Variants in BMS1 observed in about 807,000 individuals in gnomAD.
The protein encoded by BMS1 is BMS1 ribosome biogenesis factor, also known as ribosome biogenesis protein BMS1 homolog.
BMS1 carries 53 observed loss-of-function variants against 138.7 expected under a neutral mutation model. The observed-to-expected ratio is 0.38, with a 90% confidence interval of 0.31 to 0.48. The LOEUF (loss-of-function observed/expected upper bound fraction) is 0.48. BMS1 is among the 20% of genes least tolerant of loss of function. The probability of loss-of-function intolerance (pLI) is 0.97; values close to 1 mark genes in which losing one functional copy is unlikely to be tolerated. For missense variants in BMS1, 1,360 were observed against 1,565.5 expected, an observed-to-expected ratio of 0.87 and a Z score of 2.22; for synonymous variants, 504 against 539.9, an observed-to-expected ratio of 0.93 and a Z score of 0.92.
Position 42,823,251 on chromosome 10 carries a change from A to C in BMS1, c.3266A>C (p.Lys1089Thr). ...EGAFRASFED[K>T]LLMSDIVFMR... Reference sequence around the variant, plus strand: ...GCTTTCAGGGCCAGCTTTGAGGATAAGCTGCTGATGAGCGGTGAGTGTCTT... The same window carrying C: ...GCTTTCAGGGCCAGCTTTGAGGATACGCTGCTGATGAGCGGTGAGTGTCTT... Residue 1089 changes from lysine to threonine, a missense_variant, in exon 20 of 23, where the codon AAG (lysine) becomes ACG (threonine). Physicochemically the swap from Lys to Thr is moderately conservative, Grantham distance 78. Around this residue, in one of 3 missense-constraint regions of BMS1, gnomAD observed 425 missense variants for 568.3 expected, o/e 0.75. Transcript: ENST00000374518. The C allele has an allele frequency of 6.3e-7, 1 of 1,587,336 alleles. No individual in the cohort carries two copies. Among genetic ancestry groups the C allele is most frequent in the South Asian group, 1.2e-5 (1 of 85,762 alleles).
rs537838291 is a variant in BMS1 at position 42,831,003 on chromosome 10, G to A, written c.3756G>A (p.Lys1252=). The part of the protein sequence containing the change: ...KEEEEKLKRQ[K]DLRKKLFRIQ... ...AGGAGGAGAAGCTGAAGCGGCAGAA[G>A]GACCTCAGGAAGAAGCTCTTCAGAA... Residue 1252 remains lysine (K), a synonymous_variant, in exon 23 of 23, where the codon AAG becomes AAA. Coordinates refer to ENST00000374518, the MANE Select transcript of BMS1 (RefSeq NM_014753.4). 12 of 1,602,414 alleles carry A rather than the reference G, an allele frequency of 7.5e-6. No individual in the cohort carries two copies. The South Asian group carries it at 1.3e-4, about 18-fold the overall frequency.
chr10:42,804,256 A>G (rs973254380), intron 13 of BMS1, among the ~76,000 whole-genome samples: 2 of 152,196 alleles, frequency 1.3e-5, no homozygotes, highest in Non-Finnish European at 2.9e-5. Flanking sequence ...GTAGTTCAGA[A>G]TGGACTAAAT....
At chr10:42,783,925 C>A (rs1282176249) in intron 1 of BMS1, among the ~76,000 whole-genome samples, 1 of 152,088 alleles carries the variant, frequency 6.6e-6, no homozygotes, top group African/African-American at 2.4e-5. Context: ...CCAGTTGATA[C>A]CTGGGTCTGA....
intron 21 of BMS1, among the ~76,000 whole-genome samples, chr10:42,826,094 C>G (rs939729844): frequency 2.0e-5 from 3 of 152,140 alleles, no homozygotes; most frequent in Non-Finnish European, 2.9e-5. Flanking sequence ...GTTAAACCAG[C>G]CTTGCATGCC....
intron 4 of BMS1, among the ~76,000 whole-genome samples, chr10:42,788,315 T>C (rs1841399569): frequency 6.6e-6 from 1 of 152,188 alleles, no homozygotes; most frequent in Non-Finnish European, 1.5e-5. Flanking sequence ...GCTTCTAATT[T>C]TAAAGACATA....
rs149063407 is a variant in BMS1, at chr10:42,789,187, C to G, written c.448-1136C>G. Among the ~76,000 whole-genome samples the G allele has an allele frequency of 1.5e-3, 231 of 152,274 alleles. 1 individual carries two copies. Among genetic ancestry groups the G allele is most frequent in the Middle Eastern group, 0.01 (3 of 294 alleles). On this transcript the variant is annotated intron_variant, in intron 4 of 22. Transcript: ENST00000374518. ...CTGTTTGCTCCCTGTTCTTCCTGACCCTACAATCAGCTGCTTGCCCCCTGG... is the reference window on the plus strand; with the variant it reads ...CTGTTTGCTCCCTGTTCTTCCTGACGCTACAATCAGCTGCTTGCCCCCTGG...
intron 21 of BMS1, among the ~76,000 whole-genome samples, chr10:42,829,905 A>G (rs1326591195): frequency 6.6e-6 from 1 of 152,246 alleles, no homozygotes; most frequent in Non-Finnish European, 1.5e-5. Context: ...AGTCTGGGAA[A>G]TAAGCACCTC....
intron 13 of BMS1, among the ~76,000 whole-genome samples, chr10:42,809,591 T>C (rs1346963821): frequency 6.6e-6 from 1 of 152,184 alleles, no homozygotes; most frequent in Non-Finnish European, 1.5e-5. Flanking sequence ...TCTGCCTTAA[T>C]TCAGTGACTA....
intron 13 of BMS1, among the ~76,000 whole-genome samples, chr10:42,809,449 T>C (rs1842104826): frequency 6.6e-6 from 1 of 151,976 alleles, no homozygotes; most frequent in African/African-American, 2.4e-5. Flanking sequence ...GGGGTAGTGA[T>C]GGGGTCTCAC....
intron 12 of BMS1, among the ~76,000 whole-genome samples, chr10:42,800,033 G>A (rs1187681216): frequency 2.0e-5 from 3 of 152,102 alleles, no homozygotes; most frequent in Admixed American, 2.0e-4. Flanking sequence ...CCTGTGAATG[G>A]GTATGGAGCA....
At chr10:42,800,604 G>A (rs1009898878) in intron 12 of BMS1, among the ~76,000 whole-genome samples, 1 of 146,574 alleles carries the variant, frequency 6.8e-6, no homozygotes, top group Non-Finnish European at 1.5e-5. Context: ...TCAGCTCACT[G>A]CAAGCTCTGC....
chr10:42,825,339 C>T (rs1380987743), intron 21 of BMS1, among the ~76,000 whole-genome samples: 2 of 152,176 alleles, frequency 1.3e-5, no homozygotes, highest in Non-Finnish European at 2.9e-5. Flanking sequence ...TGAAGAATGC[C>T]AACAGAACTT....
intron 15 of BMS1, among the ~76,000 whole-genome samples, chr10:42,819,877 C>T (rs1165411145): frequency 6.6e-6 from 1 of 152,090 alleles, no homozygotes; most frequent in Non-Finnish European, 1.5e-5. Context: ...CTGCAACCTC[C>T]GTCTCCCGGG....
chr10:42,834,397 A>T lies in BMS1; in HGVS notation c.*3301A>T, dbSNP rs1173002088. 4.6e-5 allele frequency: 2 copies of T among 43,912 alleles called. No homozygotes were observed. Among genetic ancestry groups the T allele is most frequent in the Non-Finnish European group, 8.0e-5 (2 of 25,044 alleles). The allele number at this position is 43,912 out of a possible 1,614,324, so 2.7% of individuals were successfully genotyped here. The stretch of plus-strand genomic sequence containing the variant: ...CTCCAGAGCTTACCTCGCTGATGGG[A>T]AAAAGAGCATCGATTTAATTGCCCT... On this transcript the variant is annotated 3_prime_UTR_variant, in exon 23 of 23. Coordinates refer to ENST00000374518, the MANE Select transcript of BMS1 (RefSeq NM_014753.4).
rs571955522 is a variant in BMS1, at chr10:42,805,404, A to G, written c.2329+3186A>G. Among the ~76,000 whole-genome samples, 5 of 152,316 alleles carry G rather than the reference A, an allele frequency of 3.3e-5. No individual in the cohort carries two copies. The South Asian group carries it at 8.3e-4, about 25-fold the overall frequency. ...TTTATAATTAGTCTTGGAATTAAGT[A>G]GTTTTTAACTTTAGGTAGTTTTTCA... is the stretch of plus-strand genomic sequence containing the variant. On this transcript the variant is annotated intron_variant, in intron 13 of 22. Transcript: ENST00000374518.
At chr10:42,823,367 A>G (rs1375987853) in intron 20 of BMS1, 102 bp downstream of exon 20, 1 of 1,427,570 alleles carries the variant, frequency 7.0e-7, no homozygotes, top group Non-Finnish European at 9.3e-7. Context: ...AGAGTTGAGC[A>G]GCTCCAGCCT....
At position 42,822,074 on chromosome 10, in the gene BMS1, A is replaced by G. The variant is rs551148810; in HGVS notation, c.3022A>G (p.Ile1008Val). 1 of 1,594,418 alleles carries G rather than the reference A, an allele frequency of 6.3e-7. No individual in the cohort carries two copies. Among genetic ancestry groups the G allele is most frequent in the African/African-American group, 1.3e-5 (1 of 74,908 alleles). ...SVSGIMPDFR[I>V]AATGVVLDLD... ...GGGTTCCTGTTAGCCTGATTTTCGGATAGCTGCTACAGGAGTTGTCCTTGA... is the reference window on the plus strand; with the variant it reads ...GGGTTCCTGTTAGCCTGATTTTCGGGTAGCTGCTACAGGAGTTGTCCTTGA... Residue 1008 changes from isoleucine (I) to valine (V), a missense_variant, in exon 19 of 23, where the codon ATA (isoleucine) becomes GTA (valine). Around this residue, in one of 3 missense-constraint regions of BMS1, gnomAD observed 425 missense variants for 568.3 expected, o/e 0.75. Coordinates refer to ENST00000374518, the MANE Select transcript of BMS1 (RefSeq NM_014753.4).
intron 5 of BMS1, among the ~76,000 whole-genome samples, chr10:42,791,031 T>C (rs967128678): frequency 6.6e-6 from 1 of 152,008 alleles, no homozygotes; most frequent in Non-Finnish European, 1.5e-5. Context: ...CTGAATTCTT[T>C]TGTGTGTGTG....
At chr10:42,790,695 C>T (rs1274419754) in intron 5 of BMS1, among the ~76,000 whole-genome samples, 184 bp downstream of exon 5, 1 of 151,948 alleles carries the variant, frequency 6.6e-6, no homozygotes, top group Non-Finnish European at 1.5e-5. Context: ...ACTAAAAATG[C>T]AAAAATTAGT....
Sources: gnomAD v4.1 joint callset for allele counts (sites outside exome capture counted in the v4.1 genomes callset) on GRCh38, gnomAD v4.1.1 for gene constraint, gnomAD v4.1.1 regional missense constraint, MANE v1.5 for transcripts, NCBI Gene and HGNC (gene_info 2026-07-23, HGNC 2026-07-21) for gene names.